MACROD2: variants seen among roughly 807,000 people sequenced by gnomAD.
MACROD2 encodes the protein mono-ADP ribosylhydrolase 2.
In MACROD2, 36 loss-of-function variants were observed where a neutral mutation model predicts 70.4. The observed-to-expected ratio is 0.51, with a 90% CI of 0.39 to 0.68. The LOEUF (loss-of-function observed/expected upper bound fraction) is 0.68, where lower values mean the gene tolerates loss of function less well. Ranked by LOEUF, MACROD2 falls within the 30% of genes least tolerant of loss-of-function variation. The probability of loss-of-function intolerance (pLI) is 0.00; values close to 1 mark genes in which losing one functional copy is unlikely to be tolerated. For missense variants in MACROD2, 496 were observed against 538.4 expected, an observed-to-expected ratio of 0.92 and a Z score of 0.78; for synonymous variants, 172 against 178.8, an observed-to-expected ratio of 0.96 and a Z score of 0.30.
At chr20:16,006,237 C>G (rs971810678) in intron 15 of MACROD2, among the ~76,000 whole-genome samples, 1 of 152,154 alleles carries the variant, frequency 6.6e-6, no homozygotes, top group African/African-American at 2.4e-5. Context: ...TATTTAAGCT[C>G]TTACTCATCA....
chr20:14,554,581 C>G (rs1978898038), intron 4 of MACROD2, among the ~76,000 whole-genome samples: 1 of 152,092 alleles, frequency 6.6e-6, no homozygotes, highest in Non-Finnish European at 1.5e-5. Flanking sequence ...TCAGGAACTC[C>G]ACTTAACCCC....
chr20:15,736,656 A>G (rs537082784), intron 8 of MACROD2, among the ~76,000 whole-genome samples: 2 of 152,336 alleles, frequency 1.3e-5, no homozygotes, highest in South Asian at 4.1e-4. Flanking sequence ...GGACATTAAA[A>G]TATAATATAG....
chr20:14,006,688 A>G (rs1164965730), intron 2 of MACROD2, among the ~76,000 whole-genome samples: 1 of 152,112 alleles, frequency 6.6e-6, no homozygotes, highest in East Asian at 1.9e-4. Context: ...TCCTTAAGTC[A>G]CTTTTAATCT....
At chr20:15,989,845 C>A (rs1394954135) in intron 15 of MACROD2, among the ~76,000 whole-genome samples, 2 of 145,768 alleles carry the variant, frequency 1.4e-5, no homozygotes, top group East Asian at 4.0e-4. Flanking sequence ...AAAAAAAAAT[C>A]CAGACCAGGA....
intron 4 of MACROD2, chr20:14,622,892 A>G (rs927374153): frequency 1.3e-5 from 2 of 152,190 alleles, no homozygotes; most frequent in Non-Finnish European, 2.9e-5. Context: ...GTGGGTACCC[A>G]GATCCCCCTT....
At chr20:14,199,277 G>A (rs566703875) in intron 3 of MACROD2, among the ~76,000 whole-genome samples, 6 of 152,188 alleles carry the variant, frequency 3.9e-5, no homozygotes, top group Non-Finnish European at 7.4e-5. Flanking sequence ...AGTGACAAGG[G>A]TTCTGCACTT....
chr20:15,694,044 T>A (rs1353392406), intron 8 of MACROD2, among the ~76,000 whole-genome samples: 1 of 152,204 alleles, frequency 6.6e-6, no homozygotes, highest in Non-Finnish European at 1.5e-5. Context: ...ATGCTGTTAA[T>A]TCATTCCTTT....
intron 3 of MACROD2, among the ~76,000 whole-genome samples, chr20:14,094,361 C>T (rs551318910): frequency 2.6e-5 from 4 of 152,128 alleles, no homozygotes; most frequent in Non-Finnish European, 5.9e-5. Context: ...TGTATTTGTT[C>T]TTTCAACAAC....
At chr20:14,082,334 A>G (rs2054008998) in intron 2 of MACROD2, among the ~76,000 whole-genome samples, 1 of 148,824 alleles carries the variant, frequency 6.7e-6, no homozygotes, top group East Asian at 2.0e-4. Flanking sequence ...GCGTGCCACC[A>G]TGCCCTGCTA....
intron 3 of MACROD2, among the ~76,000 whole-genome samples, chr20:14,197,965 C>CA (rs998060050): frequency 5.9e-5 from 9 of 151,654 alleles, no homozygotes; most frequent in South Asian, 2.1e-4. Flanking sequence ...CATTACATTA[C>CA]AAAAAAAAGG....
At chr20:15,199,473 A>T (rs540462279) in intron 5 of MACROD2, among the ~76,000 whole-genome samples, 1 of 152,356 alleles carries the variant, frequency 6.6e-6, no homozygotes, top group South Asian at 2.1e-4. Flanking sequence ...CAAAATGACG[A>T]TAATAATGAA....
intron 4 of MACROD2, among the ~76,000 whole-genome samples, chr20:14,524,425 C>T (rs540472242): frequency 1.3e-5 from 2 of 152,302 alleles, no homozygotes; most frequent in East Asian, 3.9e-4. Flanking sequence ...CTAGAGATGT[C>T]CTAAGCTTTT....
chr20:15,207,335 A>G (rs1183680967), intron 5 of MACROD2, among the ~76,000 whole-genome samples: 2 of 151,722 alleles, frequency 1.3e-5, no homozygotes, highest in Non-Finnish European at 2.9e-5. Context: ...TGCTGGATAT[A>G]GGATTCTGGG....
intron 3 of MACROD2, among the ~76,000 whole-genome samples, chr20:14,342,592 A>G (rs1250660608): frequency 2.0e-5 from 3 of 152,212 alleles, no homozygotes; most frequent in Admixed American, 6.5e-5. Context: ...GTTAGAAACT[A>G]TACCACATCT....
At chr20:15,958,599 C>T (rs1364439844) in intron 12 of MACROD2, among the ~76,000 whole-genome samples, 1 of 152,104 alleles carries the variant, frequency 6.6e-6, no homozygotes, top group Non-Finnish European at 1.5e-5. Flanking sequence ...ATTTGAATGG[C>T]TGACATTCAA....
At chr20:14,895,230 C>A (rs1380737699) in intron 5 of MACROD2, 2 of 152,176 alleles carry the variant, frequency 1.3e-5, no homozygotes, top group Non-Finnish European at 2.9e-5. Flanking sequence ...AGAGAGCAAG[C>A]AAAGTGCCTT....
In MACROD2 at chr20:14,385,980, G is replaced by A. The variant is rs79993605; in HGVS notation, c.272-107499G>A. Reference sequence around the variant, plus strand: ...TATTCTTTCATGCAAATGTATTGAAGGCATGTACATTTATTGAAGGACTGC... The same window carrying A: ...TATTCTTTCATGCAAATGTATTGAAAGCATGTACATTTATTGAAGGACTGC... On this transcript the variant is annotated intron_variant, in intron 3 of 17. Transcript: ENST00000684519. Among the ~76,000 whole-genome samples the A allele has an allele frequency of 4.8e-3, 731 of 152,204 alleles. 4 individuals are homozygous for A. Among genetic ancestry groups the A allele is most frequent in the African/African-American group, 0.017 (707 of 41,550 alleles).
chr20:16,046,734 G>GTAGTGGCA (rs577864307), intron 17 of MACROD2, among the ~76,000 whole-genome samples: 52 of 128,062 alleles, frequency 4.1e-4, no homozygotes, highest in Middle Eastern at 5.8e-3. Context: ...GGGCTACAGT[G>GTAGTGGCA]TAGTGGCACG....
intron 8 of MACROD2, among the ~76,000 whole-genome samples, chr20:15,757,663 G>T (rs989231303): frequency 6.6e-6 from 1 of 152,094 alleles, no homozygotes; most frequent in African/African-American, 2.4e-5. Context: ...ACTTCTAGAG[G>T]CTGGGAAGTC....
Sources: gnomAD v4.1 joint callset for allele counts (sites outside exome capture counted in the v4.1 genomes callset) on GRCh38, gnomAD v4.1.1 for gene constraint, MANE v1.5 for transcripts, NCBI Gene and HGNC (gene_info 2026-07-23, HGNC 2026-07-21) for gene names.